MARCHF4: variants seen among roughly 807,000 people sequenced by gnomAD.
The protein encoded by MARCHF4 is membrane associated ring-CH-type finger 4, also known as E3 ubiquitin-protein ligase MARCHF4.
Under a neutral mutation model 43.9 loss-of-function variants are expected in MARCHF4, and 14 were observed. The ratio of observed to expected loss-of-function variants is 0.32; its 90% CI spans 0.21 to 0.50. MARCHF4 has a LOEUF of 0.50. MARCHF4 is among the 20% of genes least tolerant of loss of function. The pLI, the probability that MARCHF4 is intolerant of heterozygous loss-of-function variation, is 0.98. For missense variants in MARCHF4, 468 were observed against 536.7 expected (o/e 0.87, Z 1.27); for synonymous variants, 226 against 213.3 (o/e 1.06, Z -0.52).
intron 1 of MARCHF4, among the ~76,000 whole-genome samples, chr2:216,305,742 C>T (rs1189291772): frequency 3.3e-5 from 5 of 152,098 alleles, no homozygotes; most frequent in East Asian, 3.9e-4. Context: ...TATCACAGGC[C>T]CATATGGAGA....
At chr2:216,331,907 T>C (rs886863093) in intron 1 of MARCHF4, among the ~76,000 whole-genome samples, 2 of 152,034 alleles carry the variant, frequency 1.3e-5, no homozygotes, top group African/African-American at 4.8e-5. Flanking sequence ...AAATCAGAAA[T>C]GAAAAGATGC....
At chr2:216,339,394 C>A (rs976451125) in intron 1 of MARCHF4, among the ~76,000 whole-genome samples, 2 of 152,216 alleles carry the variant, frequency 1.3e-5, no homozygotes, top group Non-Finnish European at 2.9e-5. Flanking sequence ...GGAAATCCAC[C>A]CATCCTTCAG....
At chr2:216,320,843 T>TC (rs1691883209) in intron 1 of MARCHF4, among the ~76,000 whole-genome samples, 1 of 148,052 alleles carries the variant, frequency 6.8e-6, no homozygotes, top group African/African-American at 2.5e-5. Context: ...GCTTTTTTTT[T>TC]TTTTTTTTTG....
chr2:216,354,913 TTCTTTCTTTC>T (rs1692464358), intron 1 of MARCHF4, among the ~76,000 whole-genome samples: 3 of 96,752 alleles, frequency 3.1e-5, no homozygotes, highest in Admixed American at 1.1e-4. Context: ...CTTTCTTTCT[TTCTTTCTTTC>T]TTTCTTTCTT....
intron 3 of MARCHF4, among the ~76,000 whole-genome samples, chr2:216,268,389 C>A (rs1188536738): frequency 6.6e-6 from 1 of 152,206 alleles, no homozygotes; most frequent in South Asian, 2.1e-4. Context: ...AGAAAGGGAC[C>A]TATAATCCCT....
At chr2:216,315,733 C>G (rs922407288) in intron 1 of MARCHF4, among the ~76,000 whole-genome samples, 5 of 152,130 alleles carry the variant, frequency 3.3e-5, no homozygotes, top group African/African-American at 1.2e-4. Context: ...TTTCTCTAAG[C>G]GATGAGATTA....
intron 1 of MARCHF4, among the ~76,000 whole-genome samples, chr2:216,286,592 A>G (rs2544066): frequency 0.44 from 66,646 of 151,928 alleles, 14,743 homozygotes; most frequent in East Asian, 0.56. Flanking sequence ...AACTTTGATA[A>G]AGGAAAAAGG....
At chr2:216,260,196 CAG>C (rs1690718464) in intron 3 of MARCHF4, among the ~76,000 whole-genome samples, 1 of 152,200 alleles carries the variant, frequency 6.6e-6, no homozygotes, top group African/African-American at 2.4e-5. Context: ...CTGCCAGAGG[CAG>C]TGATAGAGTT....
At chr2:216,340,810 G>A (rs1692224543) in intron 1 of MARCHF4, among the ~76,000 whole-genome samples, 2 of 152,148 alleles carry the variant, frequency 1.3e-5, no homozygotes. Context: ...AATATGTGGG[G>A]GCCACAGAAT....
At chr2:216,355,906 A>C (rs2105981990) in intron 1 of MARCHF4, among the ~76,000 whole-genome samples, 1 of 151,824 alleles carries the variant, frequency 6.6e-6, no homozygotes, top group South Asian at 2.1e-4. Context: ...CCTCCTACCC[A>C]CAAGCACACA....
chr2:216,270,378 C>G (rs1690916647), intron 3 of MARCHF4, among the ~76,000 whole-genome samples: 1 of 152,116 alleles, frequency 6.6e-6, no homozygotes, highest in Admixed American at 6.6e-5. Flanking sequence ...GTCTGGCCTA[C>G]CAGAGATTTT....
At chr2:216,353,614 C>G (rs1692435921) in intron 1 of MARCHF4, among the ~76,000 whole-genome samples, 1 of 152,164 alleles carries the variant, frequency 6.6e-6, no homozygotes, top group African/African-American at 2.4e-5. Flanking sequence ...GTGGCGTGAT[C>G]TCAGCTCACT....
chr2:216,260,743 A>G (rs1427264404), intron 3 of MARCHF4, among the ~76,000 whole-genome samples: 1 of 152,160 alleles, frequency 6.6e-6, no homozygotes, highest in African/African-American at 2.4e-5. Flanking sequence ...GAAGCTATTG[A>G]CGGTTTCAGT....
intron 1 of MARCHF4, among the ~76,000 whole-genome samples, chr2:216,284,020 G>A (rs113044355): frequency 3.7e-4 from 56 of 152,290 alleles, no homozygotes; most frequent in African/African-American, 1.1e-3. Flanking sequence ...TGGTTTCTGC[G>A]GAAGCCTCTG....
intron 1 of MARCHF4, among the ~76,000 whole-genome samples, chr2:216,363,472 G>A (rs1450453993): frequency 6.6e-6 from 1 of 152,238 alleles, no homozygotes; most frequent in Non-Finnish European, 1.5e-5. Flanking sequence ...GAAAGAGCCT[G>A]TAACCCTGTG....
At chr2:216,322,081 G>A (rs970940709) in intron 1 of MARCHF4, among the ~76,000 whole-genome samples, 7 of 152,162 alleles carry the variant, frequency 4.6e-5, no homozygotes, top group African/African-American at 1.4e-4. Context: ...GCACAATGAG[G>A]TATACTTAAG....
chr2:216,284,982 G>T (rs1434645391), intron 1 of MARCHF4, among the ~76,000 whole-genome samples: 3 of 152,052 alleles, frequency 2.0e-5, no homozygotes, highest in African/African-American at 4.8e-5. Context: ...AGTGACTTGG[G>T]CTCATCCCTG....
rs186503369 is a variant in MARCHF4, at chr2:216,269,633, G to A, written c.865+8039C>T. On this transcript the variant is annotated intron_variant, in intron 3 of 3. Coordinates refer to ENST00000273067, the MANE Select transcript of MARCHF4 (RefSeq NM_020814.3). ...TGAGGGGAATCCACCCTGATCAAGC[G>A]CTTCCTACCTGGTCCCTGATGATTA... Among the ~76,000 whole-genome samples, 38 of 150,992 alleles carry A rather than the reference G, an allele frequency of 2.5e-4. 1 individual carries two copies. The highest frequency in any genetic ancestry group is 7.2e-4 in the Admixed American group (11 of 15,188).
At chr2:216,284,898 C>T (rs1040628382) in intron 1 of MARCHF4, among the ~76,000 whole-genome samples, 8 of 152,108 alleles carry the variant, frequency 5.3e-5, no homozygotes, top group Non-Finnish European at 8.8e-5. Flanking sequence ...ATTCGAATGC[C>T]GCCTCCTACT....
Sources: gnomAD v4.1 joint callset for allele counts (sites outside exome capture counted in the v4.1 genomes callset) on GRCh38, gnomAD v4.1.1 for gene constraint, MANE v1.5 for transcripts, NCBI Gene and HGNC (gene_info 2026-07-23, HGNC 2026-07-21) for gene names.